Variants in KALRN observed in about 807,000 individuals in gnomAD.
KALRN encodes kalirin.
In KALRN, 70 loss-of-function variants were observed where a neutral mutation model predicts 353.7. The observed-to-expected ratio is 0.20, with a 90% CI of 0.16 to 0.24. The LOEUF (loss-of-function observed/expected upper bound fraction) is 0.24, where lower values mean the gene tolerates loss of function less well. Among genes scored for constraint, KALRN ranks in the 10% least tolerant of loss-of-function variants. KALRN has a pLI of 1.00. For synonymous variants in KALRN, 1,391 were observed against 1,434.8 expected, an observed-to-expected ratio of 0.97 and a Z score of 0.69; for missense variants, 2,791 against 3,756.7, an observed-to-expected ratio of 0.74 and a Z score of 6.72.
chr3:124,332,970 GA>G (rs1163837641), intron 8 of KALRN, among the ~76,000 whole-genome samples: 10 of 151,870 alleles, frequency 6.6e-5, no homozygotes, highest in Non-Finnish European at 7.4e-5. Context: ...TATAAAAAAA[GA>G]AAAAAAAGAG....
At chr3:124,404,351 C>T (rs1016708455) in intron 13 of KALRN, among the ~76,000 whole-genome samples, 1 of 151,854 alleles carries the variant, frequency 6.6e-6, no homozygotes, top group Non-Finnish European at 1.5e-5. Flanking sequence ...GGTATATATC[C>T]TCTATTTTAT....
At chr3:124,371,824 G>A (rs201379177) in intron 10 of KALRN, among the ~76,000 whole-genome samples, 1 of 152,246 alleles carries the variant, frequency 6.6e-6, no homozygotes, top group East Asian at 1.9e-4. Flanking sequence ...GTTGTTTTAA[G>A]ATATACAATA....
chr3:124,141,014 T>C (rs1158226358), intron 1 of KALRN, among the ~76,000 whole-genome samples: 1 of 152,228 alleles, frequency 6.6e-6, no homozygotes, highest in African/African-American at 2.4e-5. Flanking sequence ...TAGTTCTGAA[T>C]GTGATACCAT....
intron 33 of KALRN, among the ~76,000 whole-genome samples, chr3:124,527,820 A>T (rs1004793987): frequency 6.6e-6 from 1 of 152,158 alleles, no homozygotes; most frequent in Non-Finnish European, 1.5e-5. Context: ...ATATGACATC[A>T]GCCTAGGTTT....
intron 1 of KALRN, among the ~76,000 whole-genome samples, chr3:124,196,895 C>A (rs1172262171): frequency 6.6e-6 from 1 of 150,988 alleles, no homozygotes. Context: ...TACTAGGAGG[C>A]AGGTGCTATC....
intron 6 of KALRN, among the ~76,000 whole-genome samples, chr3:124,304,207 A>G (rs924400396): frequency 7.2e-5 from 11 of 152,120 alleles, no homozygotes; most frequent in Admixed American, 6.6e-4. Context: ...CCATAGCTGC[A>G]AAGTCCCTTA....
chr3:124,227,477 G>T (rs144712346), intron 1 of KALRN, among the ~76,000 whole-genome samples: 3 of 152,224 alleles, frequency 2.0e-5, no homozygotes, highest in African/African-American at 7.2e-5. Flanking sequence ...ACTAATAGTT[G>T]TTGTGCCAGA....
chr3:124,082,759 C>T (rs558554078), intron 1 of KALRN, among the ~76,000 whole-genome samples: 3 of 152,282 alleles, frequency 2.0e-5, no homozygotes, highest in Admixed American at 6.5e-5. Context: ...ATGAACTAAC[C>T]AGTGTTTCTC....
intron 45 of KALRN, among the ~76,000 whole-genome samples, chr3:124,663,271 T>A (rs1009685255): frequency 6.6e-6 from 1 of 152,184 alleles, no homozygotes; most frequent in East Asian, 1.9e-4. Context: ...AATAAGGACA[T>A]CAGTCATATT....
intron 10 of KALRN, among the ~76,000 whole-genome samples, chr3:124,352,803 G>A (rs1011489310): frequency 2.6e-5 from 4 of 152,040 alleles, no homozygotes; most frequent in African/African-American, 9.7e-5. Context: ...TCATAAGTGG[G>A]AATTGAACAA....
chr3:124,701,996 T>C (rs1004995905), intron 56 of KALRN, 42 bp from the exon 57 acceptor site: 1 of 1,490,058 alleles, frequency 6.7e-7, no homozygotes, highest in African/African-American at 1.4e-5. Context: ...TATTCTTATA[T>C]GACATCCTCG....
chr3:124,402,476 C>T (rs920193389), intron 13 of KALRN, among the ~76,000 whole-genome samples: 1 of 152,138 alleles, frequency 6.6e-6, no homozygotes, highest in African/African-American at 2.4e-5. Context: ...TCACCAAATA[C>T]AAATGTTTAT....
chr3:124,121,627 T>C (rs2064037083), intron 1 of KALRN, among the ~76,000 whole-genome samples: 1 of 152,252 alleles, frequency 6.6e-6, no homozygotes, highest in East Asian at 1.9e-4. Context: ...CCATGGCACC[T>C]GGTTGTATGA....
chr3:124,618,647 A>G (rs1466799854), intron 34 of KALRN, among the ~76,000 whole-genome samples: 1 of 152,236 alleles, frequency 6.6e-6, no homozygotes, highest in Non-Finnish European at 1.5e-5. Context: ...TACGGAGCTC[A>G]TTGAGGGCTT....
At chr3:124,353,234 A>G (rs1214336213) in intron 10 of KALRN, among the ~76,000 whole-genome samples, 1 of 152,172 alleles carries the variant, frequency 6.6e-6, no homozygotes, top group East Asian at 1.9e-4. Context: ...TGGATTTATC[A>G]GTGACCTTGC....
Position 124,516,547 on chromosome 3 carries a change from G to A in KALRN, c.4935+20134G>A, listed in dbSNP as rs146246413. On this transcript the variant is annotated intron_variant, in intron 33 of 59. Transcript: ENST00000682506. ...TATCCTCTTCAGAATTTTAACAACCGTATAAAGAGCAGAATGCCAAACTCA... is the reference window on the plus strand; with the variant it reads ...TATCCTCTTCAGAATTTTAACAACCATATAAAGAGCAGAATGCCAAACTCA... 2.1e-3 allele frequency among the ~76,000 whole-genome samples: 313 copies of A among 150,066 alleles called. 3 individuals carry two copies. Among genetic ancestry groups the A allele is most frequent in the Middle Eastern group, 3.5e-3 (1 of 286 alleles).
chr3:124,657,322 C>T (rs2084186597), intron 39 of KALRN, 126 bp from the exon 40 acceptor site: 1 of 666,728 alleles, frequency 1.5e-6, no homozygotes, highest in Non-Finnish European at 2.7e-6. Flanking sequence ...AGTGAGAAAC[C>T]ACAGAAGCAT....
chr3:124,172,871 T>G (rs372807843), intron 1 of KALRN, among the ~76,000 whole-genome samples: 40 of 152,306 alleles, frequency 2.6e-4, no homozygotes, highest in African/African-American at 7.9e-4. Context: ...TGTAGATTTT[T>G]ATAAATTGGG....
At chr3:124,551,698 T>A (rs1446517775) in intron 33 of KALRN, among the ~76,000 whole-genome samples, 1 of 152,226 alleles carries the variant, frequency 6.6e-6, no homozygotes. Context: ...CCAATCACTT[T>A]CTGAGGGACC....
Sources: gnomAD v4.1 joint callset for allele counts (sites outside exome capture counted in the v4.1 genomes callset) on GRCh38, gnomAD v4.1.1 for gene constraint, MANE v1.5 for transcripts, NCBI Gene and HGNC (gene_info 2026-07-23, HGNC 2026-07-21) for gene names.